Variants in CASZ1 observed in about 807,000 individuals in gnomAD.
CASZ1 encodes the protein zinc finger protein castor homolog 1.
CASZ1 carries 28 observed loss-of-function variants against 135.2 expected under a neutral mutation model. That is an observed-to-expected ratio of 0.21 (90% CI 0.15 to 0.28). CASZ1 has a LOEUF of 0.28. Among genes scored for constraint, CASZ1 ranks in the 10% least tolerant of loss-of-function variants. The pLI is 1.00. For synonymous variants in CASZ1, 1,068 were observed against 1,073.4 expected (o/e 0.99, Z 0.10); for missense variants, 2,161 against 2,453.3 (o/e 0.88, Z 2.52).
intron 1 of CASZ1, among the ~76,000 whole-genome samples, chr1:10,763,318 G>C (rs1245160533): frequency 6.6e-6 from 1 of 152,188 alleles, no homozygotes; most frequent in African/African-American, 2.4e-5. Flanking sequence ...AGGAGACGTG[G>C]GTCCGAGTCC....
At chr1:10,640,640 G>T (rs1642173554) in intron 20 of CASZ1, among the ~76,000 whole-genome samples, 1 of 152,210 alleles carries the variant, frequency 6.6e-6, no homozygotes, top group Non-Finnish European at 1.5e-5. Context: ...GGTACCAGAA[G>T]GTTCTTTAAG....
rs1639254917 is a variant in CASZ1, at chr1:10,709,941, G to A, written c.-76-4397C>T. On this transcript the variant is annotated intron_variant, in intron 2 of 20. Transcript: ENST00000377022. This position sits in a 1 kb window ranked among gnomAD's most constrained non-coding sequence, Gnocchi z 5.1. ...CCCCGGACCAGGGAGGGGCGGTGGG[G>A]GTGGCTGTCCAGACCCCGGAGTCGG... Among the ~76,000 whole-genome samples, 2 of 152,216 alleles carry A rather than the reference G, an allele frequency of 1.3e-5. No homozygotes were observed. Among genetic ancestry groups the A allele is most frequent in the African/African-American group, 4.8e-5 (2 of 41,446 alleles).
At chr1:10,686,156 C>T (rs1638580554) in intron 4 of CASZ1, among the ~76,000 whole-genome samples, 1 of 152,138 alleles carries the variant, frequency 6.6e-6, no homozygotes, top group African/African-American at 2.4e-5. Context: ...GCCGTCCTCT[C>T]CTCTCCTTAC....
chr1:10,651,039 CG>C lies in CASZ1; in HGVS notation c.2717del (p.Pro906ArgfsTer4), dbSNP rs1642561515. 14 of 1,551,014 alleles carry C rather than the reference CG, an allele frequency of 9.0e-6. No homozygotes were observed. Among genetic ancestry groups the C allele is most frequent in the Admixed American group, 2.3e-5 (1 of 43,704 alleles). On this transcript the variant is annotated frameshift_variant, in exon 12 of 21. Transcript: ENST00000377022. LOFTEE classifies it high-confidence loss of function. The stretch of plus-strand genomic sequence containing the variant: ...CACCGGGTTCCGGCTTCACTTGGGC[CG>C]GGGGGAACCTGGCTGGGGTGACCTG... The part of the protein sequence containing the change: ...GQQVTPARFP[P>X]AQVKPEPGES...
rs1239936070 is a variant in CASZ1 at position 10,757,880 on chromosome 1, AACTTCTCCCCAGGCAC to A, written c.-77+2805_-77+2820del. Among the ~76,000 whole-genome samples the A allele has an allele frequency of 3.9e-5, 6 of 151,938 alleles. No homozygotes were observed. Among genetic ancestry groups the A allele is most frequent in the African/African-American group, 1.5e-4 (6 of 41,348 alleles). ...TCCTATCACCTAAGCATAAAATCCCAACTTCTCCCCAGGCACACAAAGCCCTGCACCTCCTGACACC... is the reference window on the plus strand; with the variant it reads ...TCCTATCACCTAAGCATAAAATCCCAACAAAGCCCTGCACCTCCTGACACC... On this transcript the variant is annotated intron_variant, in intron 2 of 20. Coordinates refer to ENST00000377022, the MANE Select transcript of CASZ1 (RefSeq NM_001079843.3). The surrounding 1 kb of genome is among the most constrained non-coding windows in gnomAD (Gnocchi z 4.6).
chr1:10,784,060 A>G (rs1261880986), intron 1 of CASZ1, among the ~76,000 whole-genome samples: 1 of 152,052 alleles, frequency 6.6e-6, no homozygotes, highest in Non-Finnish European at 1.5e-5. Flanking sequence ...TGGAGAGGTA[A>G]GACCCAGGCC....
Position 10,666,511 on chromosome 1 carries a change from C to A in CASZ1, c.17-940G>T, listed in dbSNP as rs1008375163. Among the ~76,000 whole-genome samples, 1 of 152,210 alleles carries A rather than the reference C, an allele frequency of 6.6e-6. No individual in the cohort carries two copies. Among genetic ancestry groups the A allele is most frequent in the Admixed American group, 6.5e-5 (1 of 15,274 alleles). On this transcript the variant is annotated intron_variant, in intron 4 of 20. Coordinates refer to ENST00000377022, the MANE Select transcript of CASZ1 (RefSeq NM_001079843.3). The surrounding 1 kb of genome is among the most constrained non-coding windows in gnomAD (Gnocchi z 5.2). The stretch of plus-strand genomic sequence containing the variant: ...AGGCCTGGCCAGCCCACTTCCCAGC[C>A]CCCAGGAGCTCCAGCAGGTGCAGGG...
chr1:10,655,345 C>T (rs1027907507), intron 9 of CASZ1, among the ~76,000 whole-genome samples: 5 of 152,374 alleles, frequency 3.3e-5, no homozygotes, highest in African/African-American at 1.2e-4. Flanking sequence ...ATTTGCAATG[C>T]TGCTCTTGGT....
chr1:10,674,424 T>C (rs868679355), intron 4 of CASZ1, among the ~76,000 whole-genome samples: 3 of 152,372 alleles, frequency 2.0e-5, no homozygotes, highest in Middle Eastern at 6.8e-3. Context: ...CCGGCACCGC[T>C]GCTGCGGGAG....
At chr1:10,786,503 TC>T (rs1434052989) in intron 1 of CASZ1, among the ~76,000 whole-genome samples, 2 of 152,172 alleles carry the variant, frequency 1.3e-5, no homozygotes, top group East Asian at 3.9e-4. Context: ...TCCATGGCAA[TC>T]CCTGATAAGC....
At chr1:10,748,956 C>G (rs1255683200) in intron 2 of CASZ1, among the ~76,000 whole-genome samples, 1 of 152,196 alleles carries the variant, frequency 6.6e-6, no homozygotes, top group Non-Finnish European at 1.5e-5. Flanking sequence ...TCCCCCAACT[C>G]GCTTCTGTCT....
At position 10,660,410 on chromosome 1, in the gene CASZ1, G is replaced by A. The variant is rs532992894; in HGVS notation, c.632C>T (p.Ala211Val). Residue 211 changes from alanine to valine, a missense_variant, in exon 6 of 21, where the codon GCG (alanine) becomes GTG (valine). By Grantham distance (64) the Ala-to-Val change is moderately conservative (BLOSUM62 0). Around this residue, in one of 7 missense-constraint regions of CASZ1, gnomAD observed 590 missense variants for 609.8 expected, o/e 0.97. Transcript: ENST00000377022. ...ARKISFEKLH[A>V]GSTPEAATSS... is the part of the protein sequence containing the mutation. ...GGTGGCTGCCTCCGGGGTGGAGCCC[G>A]CGTGCAGCTTCTCAAAGCTGATCTT... 1.5e-5 allele frequency: 24 copies of A among 1,614,036 alleles called. No homozygotes were observed. The highest frequency in any genetic ancestry group is 1.7e-5 in the Admixed American group (1 of 60,004).
intron 1 of CASZ1, among the ~76,000 whole-genome samples, chr1:10,789,780 C>T (rs1640922607): frequency 6.6e-6 from 1 of 152,202 alleles, no homozygotes; most frequent in Non-Finnish European, 1.5e-5. Context: ...CTTCCCTTCA[C>T]ACTGTCCAGG....
chr1:10,661,788 C>T (rs1229640825), intron 5 of CASZ1, among the ~76,000 whole-genome samples: 2 of 151,760 alleles, frequency 1.3e-5, no homozygotes, highest in African/African-American at 4.8e-5. Context: ...TCACAACACA[C>T]ACATCCATTC....
Position 10,643,192 on chromosome 1 carries a change from C to T in CASZ1, c.3988G>A (p.Gly1330Arg), listed in dbSNP as rs767620784. 5 of 1,612,208 alleles carry T rather than the reference C, an allele frequency of 3.1e-6. No individual in the cohort carries two copies. Among genetic ancestry groups the T allele is most frequent in the Admixed American group, 1.7e-5 (1 of 59,998 alleles). Residue 1330 changes from glycine to arginine, a missense_variant, in exon 19 of 21, where the codon GGG becomes AGG. Gly to Arg is a moderately radical substitution (Grantham distance 125). Coordinates refer to ENST00000377022, the MANE Select transcript of CASZ1 (RefSeq NM_001079843.3). ...HARKHMRRML[G>R]KNFDRVPPSQ... Reference sequence around the variant, plus strand: ...GGGGGCACGCGGTCGAAGTTCTTCCCCAGCATCCTCCGCATGTGCTTCCGC... The same window carrying T: ...GGGGGCACGCGGTCGAAGTTCTTCCTCAGCATCCTCCGCATGTGCTTCCGC...
intron 4 of CASZ1, among the ~76,000 whole-genome samples, chr1:10,677,731 T>C (rs1007938851): frequency 6.6e-6 from 1 of 152,232 alleles, no homozygotes; most frequent in Non-Finnish European, 1.5e-5. Flanking sequence ...GCAAATCCAA[T>C]GCTACACATT....
intron 13 of CASZ1, 85 bp from the exon 14 acceptor site, chr1:10,649,522 G>A (rs1642490745): frequency 6.8e-7 from 1 of 1,461,072 alleles, no homozygotes; most frequent in African/African-American, 1.4e-5. Flanking sequence ...CGAAGCTCTG[G>A]GCTGCTGGGA....
At position 10,700,796 on chromosome 1, in the gene CASZ1, G is replaced by A. The variant is rs1235849683; in HGVS notation, c.-24+4696C>T. The stretch of plus-strand genomic sequence containing the variant: ...CTAATGAGTACAGGGTTTCTTCCTG[G>A]GGGAATGAAAATGTTCTAAAATTAG... On this transcript the variant is annotated intron_variant, in intron 3 of 20. Coordinates refer to ENST00000377022, the MANE Select transcript of CASZ1 (RefSeq NM_001079843.3). The surrounding 1 kb of genome is among the most constrained non-coding windows in gnomAD (Gnocchi z 4.2). Among the ~76,000 whole-genome samples, 1 of 152,158 alleles carries A rather than the reference G, an allele frequency of 6.6e-6. No homozygotes were observed. Among genetic ancestry groups the A allele is most frequent in the East Asian group, 1.9e-4 (1 of 5,190 alleles).
chr1:10,684,380 G>C (rs988014560), intron 4 of CASZ1, among the ~76,000 whole-genome samples: 15 of 152,226 alleles, frequency 9.9e-5, no homozygotes, highest in Non-Finnish European at 2.1e-4. Context: ...GGGGACACGA[G>C]CATGCCTGCC....
Sources: allele counts gnomAD v4.1 joint callset (sites outside exome capture counted in the v4.1 genomes callset), GRCh38; gene constraint gnomAD v4.1.1; regional missense constraint gnomAD v4.1.1; non-coding constraint Gnocchi (gnomAD v3.1); transcripts MANE v1.5; gene names NCBI Gene and HGNC (gene_info 2026-07-23, HGNC 2026-07-21).